MTFR1: variants seen among roughly 807,000 people sequenced by gnomAD.
The protein encoded by MTFR1 is mitochondrial fission regulator 1, also known as chondrocyte protein with a poly-proline region.
A neutral mutation model predicts 38.8 loss-of-function variants in MTFR1; 28 were observed. The observed-to-expected ratio is 0.72, with a 90% CI of 0.53 to 0.99. The LOEUF (loss-of-function observed/expected upper bound fraction) is 0.99, where lower values mean the gene tolerates loss of function less well. Ranked by LOEUF, MTFR1 falls within the 50% of genes least tolerant of loss-of-function variation. The pLI, the probability that MTFR1 is intolerant of heterozygous loss-of-function variation, is 0.00. For synonymous variants in MTFR1, 145 were observed against 137.0 expected (o/e 1.06, Z -0.41); for missense variants, 358 against 395.5 (o/e 0.91, Z 0.81).
chr8:65,693,006 A>AC (rs1805327764), intron 3 of MTFR1, among the ~76,000 whole-genome samples: 1 of 149,264 alleles, frequency 6.7e-6, no homozygotes, highest in Non-Finnish European at 1.5e-5. Context: ...TTGTTCTTAT[A>AC]CCCCCCGCCT....
chr8:65,736,610 G>A (rs1465990095), intron 3 of MTFR1, among the ~76,000 whole-genome samples: 1 of 151,886 alleles, frequency 6.6e-6, no homozygotes, highest in African/African-American at 2.4e-5. Context: ...ATGTAGTCTG[G>A]TGTGGTGGTG....
chr8:65,656,480 T>C (rs1447699066), intron 1 of MTFR1, among the ~76,000 whole-genome samples: 1 of 151,360 alleles, frequency 6.6e-6, no homozygotes, highest in Non-Finnish European at 1.5e-5. Context: ...ACTACAGGCA[T>C]GTACCACCAT....
intron 2 of MTFR1, among the ~76,000 whole-genome samples, chr8:65,680,039 GA>G (rs1804828913): frequency 6.6e-6 from 1 of 151,886 alleles, no homozygotes; most frequent in South Asian, 2.1e-4. Flanking sequence ...GTACTTTTTG[GA>G]ACTCTTCTAG....
At chr8:65,663,148 A>T (rs1283833658) in intron 1 of MTFR1, among the ~76,000 whole-genome samples, 3 of 152,170 alleles carry the variant, frequency 2.0e-5, no homozygotes, top group Admixed American at 6.5e-5. Context: ...GTGTAGAAAG[A>T]GGTAGACATG....
chr8:65,695,318 T>C (rs1805404111), intron 4 of MTFR1, among the ~76,000 whole-genome samples: 1 of 152,132 alleles, frequency 6.6e-6, no homozygotes, highest in African/African-American at 2.4e-5. Context: ...CAGGTTTCCA[T>C]GTAGGATAAT....
intron 3 of MTFR1, among the ~76,000 whole-genome samples, chr8:65,742,283 G>A (rs1316868213): frequency 2.0e-5 from 3 of 152,172 alleles, no homozygotes; most frequent in Non-Finnish European, 4.4e-5. Flanking sequence ...GGAAGGAGTA[G>A]GCCACCCTGA....
chr8:65,685,794 A>G (rs1052548429), intron 3 of MTFR1, among the ~76,000 whole-genome samples: 1 of 152,242 alleles, frequency 6.6e-6, no homozygotes, highest in African/African-American at 2.4e-5. Context: ...AATAAATGCC[A>G]TATAGTATGA....
intron 5 of MTFR1, among the ~76,000 whole-genome samples, chr8:65,706,302 T>A (rs143530807): frequency 6.6e-6 from 1 of 152,250 alleles, no homozygotes; most frequent in Non-Finnish European, 1.5e-5. Context: ...GCTGAAACTT[T>A]TGAGTAAAAA....
chr8:65,758,563 G>A (rs1208447010), intron 3 of MTFR1, among the ~76,000 whole-genome samples: 2 of 152,196 alleles, frequency 1.3e-5, no homozygotes, highest in African/African-American at 2.4e-5. Flanking sequence ...TGCTGAATGT[G>A]AGCACACACT....
intron 3 of MTFR1, chr8:65,724,700 C>T: frequency 7.9e-7 from 1 of 1,266,418 alleles, no homozygotes. Flanking sequence ...TGAAAAACTA[C>T]ACTAGAATAT....
intron 3 of MTFR1, among the ~76,000 whole-genome samples, chr8:65,686,146 T>C (rs529810072): frequency 3.9e-5 from 6 of 152,344 alleles, no homozygotes; most frequent in East Asian, 1.9e-4. Flanking sequence ...AACTACTAGA[T>C]AATTTGGAAT....
chr8:65,645,743 A>ATC (rs1461948119), intron 1 of MTFR1, among the ~76,000 whole-genome samples: 2 of 130,928 alleles, frequency 1.5e-5, no homozygotes, highest in Non-Finnish European at 3.1e-5. Flanking sequence ...TGCTCAGGCT[A>ATC]TCTTTGAACT....
Position 65,707,162 on chromosome 8 carries a change from A to T in MTFR1, c.670A>T (p.Thr224Ser). The stretch of plus-strand genomic sequence containing the variant: ...AGAGAAAAGAGCCAATGCTGGAAAG[A>T]CTTTGGTTAAGAACAATCCAAAGAA... ...RREKRANAGK[T>S]LVKNNPKKPE... The change falls in exon 6 of 8, where the codon ACT becomes TCT. Residue 224 changes from threonine to serine, a missense_variant. Transcript: ENST00000262146. 6.2e-7 allele frequency: 1 copy of T among 1,614,152 alleles called. No individual in the cohort carries two copies. The highest frequency in any genetic ancestry group is 8.5e-7 in the Non-Finnish European group (1 of 1,179,976).
chr8:65,669,596 G>A (rs959664704), intron 1 of MTFR1, among the ~76,000 whole-genome samples: 5 of 151,216 alleles, frequency 3.3e-5, no homozygotes, highest in African/African-American at 1.2e-4. Context: ...CTGTCACCCA[G>A]GCTGGAGTAC....
rs748716398 is a variant in MTFR1 at position 65,707,170 on chromosome 8, T to C, written c.678T>C (p.Val226=). Residue 226 remains valine, a synonymous_variant, in exon 6 of 8, where the codon GTT becomes GTC. Transcript: ENST00000262146. ...EKRANAGKTL[V]KNNPKKPEMP... is the part of the protein sequence containing the mutation. ...GAGCCAATGCTGGAAAGACTTTGGT[T>C]AAGAACAATCCAAAGAAACCTGAAA... 6.2e-7 allele frequency: 1 copy of C among 1,614,170 alleles called. No homozygotes were observed. Among genetic ancestry groups the C allele is most frequent in the South Asian group, 1.1e-5 (1 of 91,086 alleles).
At chr8:65,674,157 G>T (rs994582829) in intron 2 of MTFR1, among the ~76,000 whole-genome samples, 5 of 152,042 alleles carry the variant, frequency 3.3e-5, no homozygotes, top group African/African-American at 1.2e-4. Context: ...GGTCTTGAAC[G>T]CCTGACCTCA....
chr8:65,763,521 T>A (rs1808613711), intron 3 of MTFR1, among the ~76,000 whole-genome samples: 1 of 151,878 alleles, frequency 6.6e-6, no homozygotes, highest in East Asian at 1.9e-4. Flanking sequence ...GCCGAGATCA[T>A]GCCATTGCAC....
chr8:65,658,827 T>G (rs1809335322), intron 1 of MTFR1, among the ~76,000 whole-genome samples: 1 of 152,186 alleles, frequency 6.6e-6, no homozygotes, highest in Non-Finnish European at 1.5e-5. Context: ...TTGTCTGCAC[T>G]CTGGGGTAGT....
chr8:65,774,702 T>G (rs995158352), downstream of MTFR1, among the ~76,000 whole-genome samples: 4 of 151,768 alleles, frequency 2.6e-5, no homozygotes, highest in African/African-American at 9.7e-5. Context: ...GGCTAAATAT[T>G]GTTTAAATTT....
Sources: gnomAD v4.1 joint callset for allele counts (sites outside exome capture counted in the v4.1 genomes callset) on GRCh38, gnomAD v4.1.1 for gene constraint, MANE v1.5 for transcripts, NCBI Gene and HGNC (gene_info 2026-07-23, HGNC 2026-07-21) for gene names.